The following CPNE4 variants were observed in gnomAD, a reference collection of about 807,000 sequenced individuals.
The protein encoded by CPNE4 is copine-4.
A neutral mutation model predicts 67.9 loss-of-function variants in CPNE4; 25 were observed. The ratio of observed to expected loss-of-function variants is 0.37; its 90% confidence interval spans 0.27 to 0.51. The LOEUF (loss-of-function observed/expected upper bound fraction) is 0.51. CPNE4 is among the 20% of genes least tolerant of loss of function. CPNE4 has a pLI of 0.93. For synonymous variants in CPNE4, 242 were observed against 244.9 expected, an observed-to-expected ratio of 0.99 and a Z score of 0.11; for missense variants, 464 against 690.8, an observed-to-expected ratio of 0.67 and a Z score of 3.68.
At chr3:131,833,780 CCAACT>C in intron 2 of CPNE4, among the ~76,000 whole-genome samples, 1 of 152,302 alleles carries the variant, frequency 6.6e-6, no homozygotes, top group East Asian at 1.9e-4. Flanking sequence ...AAGGTCACCA[CCAACT>C]CATCAAGAAC....
At chr3:131,917,983 CA>C (rs2070621912) in intron 1 of CPNE4, among the ~76,000 whole-genome samples, 1 of 152,164 alleles carries the variant, frequency 6.6e-6, no homozygotes, top group Non-Finnish European at 1.5e-5. Context: ...TACTCACAGG[CA>C]AGAGTAATAC....
chr3:131,626,837 C>G (rs2079085635), intron 7 of CPNE4, among the ~76,000 whole-genome samples: 1 of 152,186 alleles, frequency 6.6e-6, no homozygotes, highest in Non-Finnish European at 1.5e-5. Flanking sequence ...GGCTGACTCA[C>G]CTGGTGACTC....
intron 1 of CPNE4, among the ~76,000 whole-genome samples, chr3:131,946,814 A>G (rs992487628): frequency 1.3e-5 from 2 of 152,114 alleles, no homozygotes; most frequent in African/African-American, 4.8e-5. Flanking sequence ...ATAAATAATT[A>G]CTTTTATGGC....
intron 7 of CPNE4, among the ~76,000 whole-genome samples, chr3:131,643,397 A>C (rs1827460): frequency 0.15 from 23,516 of 152,126 alleles, 2,263 homozygotes; most frequent in African/African-American, 0.27. Flanking sequence ...TAGCCAATTT[A>C]TCCCATTTGG....
intron 1 of CPNE4, among the ~76,000 whole-genome samples, chr3:131,978,541 A>AATAT (rs34062654): frequency 4.4e-4 from 31 of 71,090 alleles, no homozygotes; most frequent in African/African-American, 1.2e-3. Context: ...AATATATATA[A>AATAT]ATATATATAT....
At chr3:131,746,606 TTC>T (rs1412262338) in intron 2 of CPNE4, among the ~76,000 whole-genome samples, 2 of 152,318 alleles carry the variant, frequency 1.3e-5, no homozygotes, top group East Asian at 3.9e-4. Context: ...CAGAAATTCA[TTC>T]TTTTTATGGC....
intron 7 of CPNE4, among the ~76,000 whole-genome samples, chr3:131,596,798 G>T (rs116446504): frequency 6.6e-6 from 1 of 152,038 alleles, no homozygotes. Flanking sequence ...TTTCCAGTCT[G>T]CCCTTCCTGA....
At chr3:132,028,886 T>A (rs1324824592) in intron 1 of CPNE4, among the ~76,000 whole-genome samples, 1 of 151,844 alleles carries the variant, frequency 6.6e-6, no homozygotes, top group African/African-American at 2.4e-5. Flanking sequence ...CATGATTTTT[T>A]AAAATTTTGT....
chr3:131,726,722 G>A (rs2082009551), intron 2 of CPNE4, among the ~76,000 whole-genome samples: 1 of 130,782 alleles, frequency 7.6e-6, no homozygotes, highest in Non-Finnish European at 1.6e-5. Context: ...TCAACTGGGG[G>A]GGGCGGGGGG....
chr3:131,671,204 T>C (rs1218771835), intron 6 of CPNE4, among the ~76,000 whole-genome samples: 1 of 152,238 alleles, frequency 6.6e-6, no homozygotes, highest in Non-Finnish European at 1.5e-5. Flanking sequence ...TTAAATTTCT[T>C]CTAATGCATT....
intron 7 of CPNE4, among the ~76,000 whole-genome samples, chr3:131,634,457 A>G (rs1044789706): frequency 1.3e-5 from 2 of 152,180 alleles, no homozygotes; most frequent in African/African-American, 4.8e-5. Flanking sequence ...ACACAATCCA[A>G]TTCTGCAGAA....
chr3:131,896,993 A>C (rs1443162054), intron 2 of CPNE4, among the ~76,000 whole-genome samples: 1 of 152,150 alleles, frequency 6.6e-6, no homozygotes, highest in African/African-American at 2.4e-5. Flanking sequence ...ATACAAAAGA[A>C]GGCAGATTCC....
intron 8 of CPNE4, among the ~76,000 whole-genome samples, chr3:131,582,962 T>C (rs1256993879): frequency 1.3e-5 from 2 of 152,190 alleles, no homozygotes; most frequent in Non-Finnish European, 2.9e-5. Flanking sequence ...CAGGAAGTTC[T>C]GGGCTAATTT....
At chr3:131,915,440 G>A (rs929755241) in intron 1 of CPNE4, among the ~76,000 whole-genome samples, 1 of 152,030 alleles carries the variant, frequency 6.6e-6, no homozygotes, top group East Asian at 1.9e-4. Context: ...AGAACTTAAG[G>A]TCCCTCCTCT....
intron 1 of CPNE4, among the ~76,000 whole-genome samples, chr3:131,956,634 A>G (rs2071981995): frequency 9.3e-6 from 1 of 107,074 alleles, no homozygotes; most frequent in African/African-American, 2.7e-5. Flanking sequence ...TTATAATGCA[A>G]ATAATTTGAA....
At chr3:131,847,912 T>C (rs1291017962) in intron 2 of CPNE4, among the ~76,000 whole-genome samples, 1 of 152,110 alleles carries the variant, frequency 6.6e-6, no homozygotes, top group African/African-American at 2.4e-5. Context: ...GTAGTAGGTC[T>C]CTGACCTCAG....
intron 7 of CPNE4, among the ~76,000 whole-genome samples, chr3:131,646,283 A>T (rs1208297660): frequency 6.6e-6 from 1 of 152,220 alleles, no homozygotes; most frequent in Non-Finnish European, 1.5e-5. Flanking sequence ...TCAATATACA[A>T]ATATAATTTC....
At chr3:131,987,626 G>A (rs2073086412) in intron 1 of CPNE4, among the ~76,000 whole-genome samples, 1 of 151,856 alleles carries the variant, frequency 6.6e-6, no homozygotes, top group Non-Finnish European at 1.5e-5. Flanking sequence ...GACCTCACGT[G>A]ATCCACCCCC....
intron 2 of CPNE4, among the ~76,000 whole-genome samples, chr3:131,788,247 G>T (rs2083618719): frequency 6.6e-6 from 1 of 151,484 alleles, no homozygotes; most frequent in African/African-American, 2.4e-5. Flanking sequence ...ATAAACAATT[G>T]AAAAAATATT....
Sources: gnomAD v4.1 joint callset for allele counts (sites outside exome capture counted in the v4.1 genomes callset) on GRCh38, gnomAD v4.1.1 for gene constraint, MANE v1.5 for transcripts, NCBI Gene and HGNC (gene_info 2026-07-23, HGNC 2026-07-21) for gene names.